Variants in S100A7 observed in about 807,000 individuals in gnomAD.
The protein encoded by S100A7 is S100 calcium binding protein A7.
Under a neutral mutation model 3.8 loss-of-function variants are expected in S100A7, and 2 were observed. The ratio of observed to expected loss-of-function variants is 0.53; its 90% CI spans 0.22 to 1.67. The LOEUF is 1.67. Among genes scored for constraint, S100A7 ranks in the 40% most tolerant of loss-of-function variants. The probability of loss-of-function intolerance (pLI) is 0.20; values close to 1 mark genes in which losing one functional copy is unlikely to be tolerated. For missense variants in S100A7, 130 were observed against 126.3 expected (o/e 1.03, Z -0.14); for synonymous variants, 55 against 45.9 (o/e 1.20, Z -0.80).
chr1:153,460,290 C>G (rs924912455), intron 1 of S100A7, among the ~76,000 whole-genome samples: 1 of 152,150 alleles, frequency 6.6e-6, no homozygotes, highest in South Asian at 2.1e-4. Flanking sequence ...ATTTAGCAAC[C>G]GGGACCCCAA....
intron 1 of S100A7, chr1:153,459,674 T>G (rs1032548970): frequency 6.6e-6 from 1 of 152,620 alleles, no homozygotes; most frequent in East Asian, 1.9e-4. Flanking sequence ...ATGGCCTCTG[T>G]TACAAGGAAC....
Position 153,460,562 on chromosome 1 carries a change from G to A in S100A7, c.-18+46C>T, listed in dbSNP as rs1248886426. On this transcript the variant is annotated intron_variant, in intron 1 of 2. Coordinates refer to ENST00000368723, the MANE Select transcript of S100A7 (RefSeq NM_002963.4). ...TTCCTACAGGCAGCATGGCAGGCCAGGCACTGGGCACTTCTAGAAAACGCA... is the reference window on the plus strand; with the variant it reads ...TTCCTACAGGCAGCATGGCAGGCCAAGCACTGGGCACTTCTAGAAAACGCA... 1.3e-5 allele frequency: 10 copies of A among 754,036 alleles called. 1 individual carries two copies. Among genetic ancestry groups the A allele is most frequent in the Non-Finnish European group, 2.4e-5 (10 of 422,704 alleles). 46.7% of individuals were successfully genotyped at this position (754,036 alleles called of 1,614,324 possible). A position where few individuals can be genotyped will look rare whatever the true frequency, so the allele number is the denominator to read the frequency against.
chr1:153,458,753 C>G, intron 2 of S100A7, 120 bp downstream of exon 2: 2 of 1,189,886 alleles, frequency 1.7e-6, no homozygotes, highest in Non-Finnish European at 2.4e-6. Context: ...CACATATGAT[C>G]CAAGTAATAA....
intron 1 of S100A7, among the ~76,000 whole-genome samples, chr1:153,459,315 C>G (rs766544046): frequency 3.3e-5 from 5 of 152,114 alleles, no homozygotes; most frequent in African/African-American, 1.2e-4. Flanking sequence ...GAGAGTCGGG[C>G]GCCAGCAACA....
intron 1 of S100A7, 100 bp from the exon 2 acceptor site, chr1:153,459,130 A>G: frequency 7.1e-7 from 1 of 1,416,634 alleles, no homozygotes; most frequent in Non-Finnish European, 9.6e-7. Flanking sequence ...AAAAACACGG[A>G]TAAGGTGTAG....
In S100A7 at chr1:153,459,579, G is replaced by A. The variant is rs369512615; in HGVS notation, c.-17-549C>T. On this transcript the variant is annotated intron_variant, in intron 1 of 2. Transcript: ENST00000368723. ...GCAGGCTCCAGGTGCACATGTGAGCGTGGACGTGAGTGTTAGCAGGAAACA... is the reference window on the plus strand; with the variant it reads ...GCAGGCTCCAGGTGCACATGTGAGCATGGACGTGAGTGTTAGCAGGAAACA... Among the ~76,000 whole-genome samples, 62 of 152,306 alleles carry A rather than the reference G, an allele frequency of 4.1e-4. No homozygotes were observed. In the South Asian group the frequency reaches 0.011, roughly 27 times the overall value.
chr1:153,459,585 G>T (rs111971844), intron 1 of S100A7, among the ~76,000 whole-genome samples: 1,717 of 152,306 alleles, frequency 0.011, 27 homozygotes, highest in African/African-American at 0.039. Context: ...GAGCGTGGAC[G>T]TGAGTGTTAG....
At chr1:153,460,377 G>T (rs1479867519) in intron 1 of S100A7, among the ~76,000 whole-genome samples, 2 of 152,226 alleles carry the variant, frequency 1.3e-5, no homozygotes, top group Non-Finnish European at 2.9e-5. Context: ...TTCCACAGGA[G>T]TTGCCTCAGG....
In S100A7 at chr1:153,460,627, G is replaced by A. The variant is rs760607478; in HGVS notation, c.-37C>T. ...ACTTACCAGAGCTGGGAAGCGTCACGAGTAGAAGGATGAGTGAGATGTGTG... is the reference window on the plus strand; with the variant it reads ...ACTTACCAGAGCTGGGAAGCGTCACAAGTAGAAGGATGAGTGAGATGTGTG... On this transcript the variant is annotated 5_prime_UTR_variant, in exon 1 of 3. Transcript: ENST00000368723. 4.0e-5 allele frequency: 48 copies of A among 1,199,160 alleles called. No individual in the cohort carries two copies. Among genetic ancestry groups the A allele is most frequent in the Admixed American group, 1.2e-4 (6 of 50,168 alleles). 74.3% of individuals were successfully genotyped at this position (1,199,160 alleles called of 1,614,324 possible). A position where few individuals can be genotyped will look rare whatever the true frequency, so the allele number is the denominator to read the frequency against.
chr1:153,459,124 ACACGGATAAGGTGTAGCAG>A, intron 1 of S100A7, 94 bp from the exon 2 acceptor site: 1 of 1,451,314 alleles, frequency 6.9e-7, no homozygotes, highest in South Asian at 1.4e-5. Flanking sequence ...CAGAGTAAAA[ACACGGATAAGGTGTAGCAG>A]AACGAACTCA....
At chr1:153,460,319 G>A (rs1396722358) in intron 1 of S100A7, among the ~76,000 whole-genome samples, 1 of 152,230 alleles carries the variant, frequency 6.6e-6, no homozygotes, top group Non-Finnish European at 1.5e-5. Context: ...TGAATCCAGG[G>A]AGGAAGAGGA....
At chr1:153,460,459 G>A (rs1663801963) in intron 1 of S100A7, 149 bp downstream of exon 1, 3 of 578,182 alleles carry the variant, frequency 5.2e-6, no homozygotes, top group Non-Finnish European at 9.4e-6. Flanking sequence ...TTGGGGTCAA[G>A]TGAAGGTCAC....
At chr1:153,459,343 G>T (rs1663767273) in intron 1 of S100A7, among the ~76,000 whole-genome samples, 1 of 152,160 alleles carries the variant, frequency 6.6e-6, no homozygotes, top group Non-Finnish European at 1.5e-5. Context: ...GAACTAAGCT[G>T]GGACACCCCA....
Sources: gnomAD v4.1 joint callset for allele counts (sites outside exome capture counted in the v4.1 genomes callset) on GRCh38, gnomAD v4.1.1 for gene constraint, MANE v1.5 for transcripts, NCBI Gene and HGNC (gene_info 2026-07-23, HGNC 2026-07-21) for gene names.